KCNMA1: variants seen among roughly 807,000 people sequenced by gnomAD.
KCNMA1 encodes the protein potassium calcium-activated channel subfamily M alpha 1.
Under a neutral mutation model 140.0 loss-of-function variants are expected in KCNMA1, and 29 were observed. The observed-to-expected ratio is 0.21, with a 90% CI of 0.15 to 0.28. The LOEUF is 0.28. Ranked by LOEUF, KCNMA1 falls within the 10% of genes least tolerant of loss-of-function variation. KCNMA1 has a pLI of 1.00. For synonymous variants in KCNMA1, 612 were observed against 611.9 expected (o/e 1.00, Z 0.00); for missense variants, 880 against 1,602.2 (o/e 0.55, Z 7.70).
At chr10:77,365,965 CA>C (rs1453084069) in intron 2 of KCNMA1, among the ~76,000 whole-genome samples, 3 of 152,074 alleles carry the variant, frequency 2.0e-5, no homozygotes, top group African/African-American at 7.2e-5. Context: ...GTAGGAAATC[CA>C]AAGACAATAA....
chr10:77,385,680 G>A (rs2095576376), intron 2 of KCNMA1, among the ~76,000 whole-genome samples: 1 of 152,210 alleles, frequency 6.6e-6, no homozygotes, highest in Non-Finnish European at 1.5e-5. Context: ...TTAAAGATGA[G>A]GTAGGATTTG....
chr10:77,270,680 C>T (rs374787471), intron 2 of KCNMA1, among the ~76,000 whole-genome samples: 23 of 136,016 alleles, frequency 1.7e-4, no homozygotes, highest in African/African-American at 7.3e-4. Context: ...CACCACCACA[C>T]CTAGCTAATT....
At chr10:77,082,089 C>T (rs1189463570) in intron 12 of KCNMA1, among the ~76,000 whole-genome samples, 9 of 133,768 alleles carry the variant, frequency 6.7e-5, no homozygotes, top group South Asian at 2.6e-4. Context: ...AGTGCAGTGG[C>T]GCGATCTTGG....
chr10:77,084,669 G>A lies in KCNMA1; in HGVS notation c.1491C>T (p.Asp497=), dbSNP rs1381424078. 6.2e-7 allele frequency: 1 copy of A among 1,614,168 alleles called. No homozygotes were observed. The highest frequency in any genetic ancestry group is 2.2e-5 in the East Asian group (1 of 44,882). ...CLILANKYCA[D]PDAEDASNIM... is the part of the protein sequence containing the mutation. ...TATTCGAGGCATCCTCCGCATCCGG[G>A]TCAGCGCAGTACTTGTTGGCAAGGA... Residue 497 remains aspartate (D), a synonymous_variant, in exon 12 of 28, where the codon GAC becomes GAT. Transcript: ENST00000286628.
At chr10:77,601,923 T>C (rs1408647711) in intron 1 of KCNMA1, among the ~76,000 whole-genome samples, 1 of 152,198 alleles carries the variant, frequency 6.6e-6, no homozygotes, top group Non-Finnish European at 1.5e-5. Flanking sequence ...GCAAGGGATA[T>C]AGCAGGAGTC....
intron 2 of KCNMA1, among the ~76,000 whole-genome samples, chr10:77,393,754 C>T (rs1005467333): frequency 2.0e-5 from 3 of 152,196 alleles, no homozygotes; most frequent in African/African-American, 2.4e-5. Context: ...CAAGTGAGAA[C>T]GAGACACAAG....
chr10:77,324,940 A>ACTCT (rs3068755), intron 2 of KCNMA1, among the ~76,000 whole-genome samples: 3,337 of 92,934 alleles, frequency 0.036, 65 homozygotes, highest in Middle Eastern at 0.071. Context: ...ATAGCTCTAG[A>ACTCT]CTCTCTCTCT....
intron 9 of KCNMA1, among the ~76,000 whole-genome samples, chr10:77,096,537 T>C (rs186358294): frequency 5.2e-4 from 79 of 152,290 alleles, no homozygotes; most frequent in Non-Finnish European, 1.1e-3. Context: ...GGGGAGGCCT[T>C]AGATCTTTCT....
chr10:77,530,826 T>A (rs75206034), intron 1 of KCNMA1, among the ~76,000 whole-genome samples: 5,355 of 152,254 alleles, frequency 0.035, 170 homozygotes, highest in Non-Finnish European at 0.046. Context: ...GAAATCAACT[T>A]GAAATTGTCT....
At chr10:77,517,369 C>T (rs1237356621) in intron 1 of KCNMA1, among the ~76,000 whole-genome samples, 1 of 152,180 alleles carries the variant, frequency 6.6e-6, no homozygotes, top group African/African-American at 2.4e-5. Context: ...GCCCCCTGGG[C>T]GTGGGGTCCC....
chr10:77,027,900 A>C lies in KCNMA1; in HGVS notation c.1860-9T>G. Reference sequence around the variant, plus strand: ...GCTTCACAAAACACAGCCTGCAATGAGATGGAGAAGCCTCCCAATCAGTTC... The same window carrying C: ...GCTTCACAAAACACAGCCTGCAATGCGATGGAGAAGCCTCCCAATCAGTTC... On this transcript the variant is annotated splice_polypyrimidine_tract_variant and intron_variant, in intron 15 of 27. Coordinates refer to ENST00000286628, the MANE Select transcript of KCNMA1 (RefSeq NM_001161352.2). 6.2e-7 allele frequency: 1 copy of C among 1,612,308 alleles called. No homozygotes were observed. Among genetic ancestry groups the C allele is most frequent in the Non-Finnish European group, 8.5e-7 (1 of 1,178,736 alleles).
chr10:76,897,056 A>G (rs1391726828), intron 25 of KCNMA1, among the ~76,000 whole-genome samples: 1 of 151,458 alleles, frequency 6.6e-6, no homozygotes, highest in Non-Finnish European at 1.5e-5. Flanking sequence ...ACAATTAGTG[A>G]TACGGAAGTA....
At chr10:77,508,581 C>CTTTTCTT (rs2047073477) in intron 1 of KCNMA1, among the ~76,000 whole-genome samples, 1 of 99,874 alleles carries the variant, frequency 1.0e-5, no homozygotes, top group Non-Finnish European at 1.9e-5. Context: ...TTTTTCTTTT[C>CTTTTCTT]TTTTTTTTTT....
chr10:77,070,048 T>G (rs985737385), intron 14 of KCNMA1, among the ~76,000 whole-genome samples: 4 of 152,190 alleles, frequency 2.6e-5, no homozygotes, highest in African/African-American at 9.7e-5. Context: ...ACTCCTGACC[T>G]CAGGTGATCC....
At chr10:77,081,372 A>C (rs11002007) in intron 12 of KCNMA1, among the ~76,000 whole-genome samples, 3,453 of 152,282 alleles carry the variant, frequency 0.023, 61 homozygotes, top group South Asian at 0.052. Context: ...GGTTTTTGTC[A>C]TTACCAAGTC....
At chr10:77,278,769 T>A (rs1347224175) in intron 2 of KCNMA1, among the ~76,000 whole-genome samples, 1 of 152,218 alleles carries the variant, frequency 6.6e-6, no homozygotes, top group Non-Finnish European at 1.5e-5. Context: ...AGTTGAGGGA[T>A]AGCAAAGTCA....
chr10:77,065,887 CAG>C (rs2095919992), intron 14 of KCNMA1, among the ~76,000 whole-genome samples: 1 of 152,204 alleles, frequency 6.6e-6, no homozygotes, highest in Admixed American at 6.5e-5. Flanking sequence ...AAGAGTTGGA[CAG>C]AGGGGAGCCA....
chr10:77,123,232 G>A (rs981773861), intron 5 of KCNMA1, among the ~76,000 whole-genome samples: 4 of 139,018 alleles, frequency 2.9e-5, no homozygotes, highest in African/African-American at 1.1e-4. Flanking sequence ...AACAGCAATT[G>A]GGCAATTTTC....
chr10:77,086,371 G>T, intron 11 of KCNMA1, 117 bp downstream of exon 11: 1 of 765,522 alleles, frequency 1.3e-6, no homozygotes, highest in Non-Finnish European at 2.4e-6. Flanking sequence ...CTCATTAGGT[G>T]TTTAGGAGAT....
Sources: allele counts gnomAD v4.1 joint callset (sites outside exome capture counted in the v4.1 genomes callset), GRCh38; gene constraint gnomAD v4.1.1; transcripts MANE v1.5; gene names NCBI Gene and HGNC (gene_info 2026-07-23, HGNC 2026-07-21).